Variants in SMURF2 observed in about 807,000 individuals in gnomAD.
SMURF2 encodes the protein E3 ubiquitin-protein ligase SMURF2.
A neutral mutation model predicts 109.6 loss-of-function variants in SMURF2; 48 were observed. That is an observed-to-expected ratio of 0.44 (90% CI 0.35 to 0.56). The LOEUF (loss-of-function observed/expected upper bound fraction) is 0.56. SMURF2 is among the 20% of genes least tolerant of loss of function. The pLI is 0.01. For missense variants in SMURF2, 575 were observed against 909.0 expected, an observed-to-expected ratio of 0.63 and a Z score of 4.72; for synonymous variants, 288 against 317.1, an observed-to-expected ratio of 0.91 and a Z score of 0.97.
intron 1 of SMURF2, among the ~76,000 whole-genome samples, chr17:64,648,526 T>G (rs1372420005): frequency 2.0e-5 from 3 of 152,092 alleles, no homozygotes; most frequent in African/African-American, 7.2e-5. Context: ...AACTCCAGCA[T>G]TCTGGGAGGT....
In SMURF2 at chr17:64,598,460, AC is replaced by A; in HGVS notation, c.121del (p.Val41LeufsTer13). ...RLPDPFAKVVVDGSGQCHSTD... is the reference protein window; with the variant it reads ...RLPDPFAKVVXDGSGQCHSTD... ...AGAATGGCATTGCCCAGATCCATCA[AC>A]CACCACCTTAGCAAATGGATCAGGA... On this transcript the variant is annotated frameshift_variant, in exon 3 of 19. Transcript: ENST00000262435. LOFTEE classifies it high-confidence loss of function. 6.2e-7 allele frequency: 1 copy of A among 1,609,268 alleles called. No homozygotes were observed. The highest frequency in any genetic ancestry group is 8.5e-7 in the Non-Finnish European group (1 of 1,178,634).
intron 1 of SMURF2, among the ~76,000 whole-genome samples, chr17:64,621,528 C>T (rs1306788725): frequency 2.0e-5 from 3 of 149,996 alleles, no homozygotes; most frequent in African/African-American, 4.9e-5. Context: ...TGCTGTGAGC[C>T]GAGATCATGC....
intron 14 of SMURF2, among the ~76,000 whole-genome samples, chr17:64,555,449 C>A (rs1969104864): frequency 6.6e-6 from 1 of 152,188 alleles, no homozygotes; most frequent in Non-Finnish European, 1.5e-5. Flanking sequence ...ACAATTAGTT[C>A]TTATTCTAAA....
chr17:64,656,419 G>A (rs981750778), intron 1 of SMURF2, among the ~76,000 whole-genome samples: 1 of 152,124 alleles, frequency 6.6e-6, no homozygotes, highest in African/African-American at 2.4e-5. Flanking sequence ...AAACAGACAG[G>A]AAAATATTCT....
intron 15 of SMURF2, among the ~76,000 whole-genome samples, chr17:64,552,579 GATT>G (rs1969060683): frequency 6.6e-6 from 1 of 152,212 alleles, no homozygotes; most frequent in Non-Finnish European, 1.5e-5. Flanking sequence ...GTTGGCAAGG[GATT>G]ATTACGTGCT....
chr17:64,609,912 C>T (rs1320597983), intron 1 of SMURF2, among the ~76,000 whole-genome samples: 4 of 134,084 alleles, frequency 3.0e-5, no homozygotes, highest in African/African-American at 1.1e-4. Context: ...TTTAAATTTA[C>T]AAAAAAAAAA....
chr17:64,657,885 G>A (rs999559749), intron 1 of SMURF2, among the ~76,000 whole-genome samples: 2 of 152,006 alleles, frequency 1.3e-5, no homozygotes, highest in African/African-American at 4.8e-5. Flanking sequence ...ACTTTATTAC[G>A]AATACCAAAC....
At chr17:64,586,275 C>T in intron 5 of SMURF2, 105 bp from the exon 6 acceptor site, 1 of 614,276 alleles carries the variant, frequency 1.6e-6, no homozygotes, top group East Asian at 3.1e-5. Context: ...TATTTTAATA[C>T]TTTAGAATGA....
At chr17:64,616,115 C>T (rs895284219) in intron 1 of SMURF2, among the ~76,000 whole-genome samples, 1 of 152,106 alleles carries the variant, frequency 6.6e-6, no homozygotes. Flanking sequence ...CAGGCGTCAG[C>T]CACCACACCC....
rs1969744993 is a variant in SMURF2 at position 64,591,066 on chromosome 17, T to G, written c.400+18A>C. 6.2e-7 allele frequency: 1 copy of G among 1,602,270 alleles called. No individual in the cohort carries two copies. Among genetic ancestry groups the G allele is most frequent in the African/African-American group, 1.3e-5 (1 of 74,358 alleles). On this transcript the variant is annotated intron_variant, in intron 5 of 18. Coordinates refer to ENST00000262435, the MANE Select transcript of SMURF2 (RefSeq NM_022739.4). The stretch of plus-strand genomic sequence containing the variant: ...AGTTTGAAACCAAAATTCATGTAAC[T>G]TTAAATTCCACACTTACCTACTATC...
At chr17:64,642,298 TC>T (rs1358692793) in intron 1 of SMURF2, among the ~76,000 whole-genome samples, 1 of 152,150 alleles carries the variant, frequency 6.6e-6, no homozygotes, top group Non-Finnish European at 1.5e-5. Context: ...GCAAGGTACA[TC>T]CTCCCTAAAG....
chr17:64,550,462 C>T (rs782485143), intron 16 of SMURF2, among the ~76,000 whole-genome samples: 1 of 152,140 alleles, frequency 6.6e-6, no homozygotes, highest in Non-Finnish European at 1.5e-5. Flanking sequence ...AAACTATTCA[C>T]TGTTTAGTAT....
chr17:64,627,262 G>A (rs997111514), intron 1 of SMURF2, among the ~76,000 whole-genome samples: 2 of 151,848 alleles, frequency 1.3e-5, no homozygotes, highest in African/African-American at 4.8e-5. Flanking sequence ...TTACAGGCAT[G>A]TGCCACCACG....
Position 64,561,520 on chromosome 17 carries a change from A to G in SMURF2, c.1296T>C (p.Leu432=). Residue 432 remains leucine (L), a synonymous_variant, in exon 12 of 19, where the codon CTT becomes CTC. Transcript: ENST00000262435. ...CATACCTGGCAACGCCTCCATAGTC[A>G]AGGCCTTCTTCTCCACGAAATTTTA... ...LMIKFRGEEG[L]DYGGVAREWL... 6.2e-7 allele frequency: 1 copy of G among 1,612,898 alleles called. No homozygotes were observed.
chr17:64,636,496 G>A (rs370392137), intron 1 of SMURF2, among the ~76,000 whole-genome samples: 14 of 151,830 alleles, frequency 9.2e-5, no homozygotes, highest in African/African-American at 1.9e-4. Context: ...CCGGCTACGC[G>A]GGAGGCTGAG....
At position 64,586,869 on chromosome 17, in the gene SMURF2, C is replaced by T. The variant is rs73333940; in HGVS notation, c.401-699G>A. On this transcript the variant is annotated intron_variant, in intron 5 of 18. Transcript: ENST00000262435. Reference sequence around the variant, plus strand: ...CTTTAATACTTGATCATCTGACCATCTAAAAAATACACTGGGCTGGGCGCA... The same window carrying T: ...CTTTAATACTTGATCATCTGACCATTTAAAAAATACACTGGGCTGGGCGCA... Among the ~76,000 whole-genome samples, 322 of 148,326 alleles carry T rather than the reference C, an allele frequency of 2.2e-3. 1 individual carries two copies. Among genetic ancestry groups the T allele is most frequent in the African/African-American group, 7.6e-3 (307 of 40,462 alleles).
In SMURF2 at chr17:64,613,743, TGG is replaced by T. The variant is rs1970082429; in HGVS notation, c.53-7105_53-7104del. 2.9e-4 allele frequency among the ~76,000 whole-genome samples: 27 copies of T among 92,218 alleles called. 1 individual carries two copies. Among genetic ancestry groups the T allele is most frequent in the African/African-American group, 7.5e-4 (18 of 23,902 alleles). 60.5% of individuals were successfully genotyped at this position (92,218 alleles called of 152,430 possible). A position where few individuals can be genotyped will look rare whatever the true frequency, so the allele number is the denominator to read the frequency against. Reference sequence around the variant, plus strand: ...GTGTGTGTGTGTGTGTGTGTGTGTGTGGAGGGGGGGCAGAGGGGAGCAGGCAA... The same window carrying T: ...GTGTGTGTGTGTGTGTGTGTGTGTGTAGGGGGGGCAGAGGGGAGCAGGCAA... On this transcript the variant is annotated intron_variant, in intron 1 of 18. Coordinates refer to ENST00000262435, the MANE Select transcript of SMURF2 (RefSeq NM_022739.4).
chr17:64,555,064 G>A, intron 14 of SMURF2, 71 bp from the exon 15 acceptor site: 1 of 1,391,720 alleles, frequency 7.2e-7, no homozygotes, highest in East Asian at 2.4e-5. Flanking sequence ...GTATTAATTG[G>A]TGAGATAAAA....
intron 1 of SMURF2, among the ~76,000 whole-genome samples, chr17:64,631,723 C>T (rs550399268): frequency 1.2e-4 from 19 of 152,150 alleles, no homozygotes; most frequent in Non-Finnish European, 2.6e-4. Context: ...TCCACCTCTG[C>T]CCTCATTTTC....
Sources: gnomAD v4.1 joint callset for allele counts (sites outside exome capture counted in the v4.1 genomes callset) on GRCh38, gnomAD v4.1.1 for gene constraint, MANE v1.5 for transcripts, NCBI Gene and HGNC (gene_info 2026-07-23, HGNC 2026-07-21) for gene names.